The following TXNRD1 variants were observed in gnomAD, a reference collection of about 807,000 sequenced individuals.
TXNRD1 encodes the protein thioredoxin reductase 1, cytoplasmic.
TXNRD1 carries 57 observed loss-of-function variants against 80.3 expected under a neutral mutation model. The ratio of observed to expected loss-of-function variants is 0.71; its 90% CI spans 0.57 to 0.89. TXNRD1 has a LOEUF of 0.89. Among genes scored for constraint, TXNRD1 ranks in the 40% least tolerant of loss-of-function variants. The pLI, the probability that TXNRD1 is intolerant of heterozygous loss-of-function variation, is 0.00. For missense variants in TXNRD1, 730 were observed against 803.0 expected, an observed-to-expected ratio of 0.91 and a Z score of 1.10; for synonymous variants, 291 against 285.2, an observed-to-expected ratio of 1.02 and a Z score of -0.20.
At chr12:104,303,804 A>C in intron 4 of TXNRD1, 1 of 1,374,834 alleles carries the variant, frequency 7.3e-7, no homozygotes, top group Non-Finnish European at 9.6e-7. Flanking sequence ...GTTACCTCAG[A>C]GATACCCGTG....
At chr12:104,296,708 AC>A (rs1287156450) in intron 4 of TXNRD1, among the ~76,000 whole-genome samples, 5 of 152,236 alleles carry the variant, frequency 3.3e-5, no homozygotes, top group African/African-American at 1.2e-4. Flanking sequence ...GAAGAGACTC[AC>A]TTAAAGGATT....
rs1444925440 is a variant in TXNRD1 at position 104,302,442 on chromosome 12, T to A, written c.415-8848T>A. Among the ~76,000 whole-genome samples the A allele has an allele frequency of 3.3e-5, 5 of 151,356 alleles. No individual in the cohort carries two copies. The East Asian group carries it at 7.8e-4, about 23-fold the overall frequency. On this transcript the variant is annotated intron_variant, in intron 4 of 16. Transcript: ENST00000525566. ...TGAAAAGCTGTTGATGCTCATGGGT[T>A]GTTTGTGTGCATGTTCTCTTTAAAA...
intron 15 of TXNRD1, among the ~76,000 whole-genome samples, chr12:104,338,235 C>G (rs188277374): frequency 3.3e-5 from 5 of 151,938 alleles, no homozygotes; most frequent in African/African-American, 1.2e-4. Flanking sequence ...TGATTAAAGA[C>G]TTGTAGGCAT....
chr12:104,264,543 A>C (rs991911542), intron 3 of TXNRD1, among the ~76,000 whole-genome samples: 13 of 152,246 alleles, frequency 8.5e-5, no homozygotes, highest in Admixed American at 2.6e-4. Flanking sequence ...TGGAGACCAC[A>C]GTATAATAAA....
At position 104,251,612 on chromosome 12, in the gene TXNRD1, T is replaced by G. The variant is rs1470739815; in HGVS notation, c.177T>G (p.Leu59=). Residue 59 remains leucine, a synonymous_variant, in exon 2 of 17, where the codon CTT becomes CTG. Transcript: ENST00000525566. ...STATADSRAL[L]QAYIDGHSVV... ...CCACTGCAGACTCCAGAGCCCTGCT[T>G]CAGGCCTATATAGATGGTCACTCTG... 1.2e-6 allele frequency: 2 copies of G among 1,614,006 alleles called. No homozygotes were observed. The highest frequency in any genetic ancestry group is 3.3e-5 in the Admixed American group (2 of 60,012).
At chr12:104,304,188 A>C (rs2034778844) in intron 4 of TXNRD1, 10 of 1,614,054 alleles carry the variant, frequency 6.2e-6, no homozygotes, top group Non-Finnish European at 7.6e-6. Flanking sequence ...CGAACCAGAG[A>C]AGCAGCCCTC....
intron 3 of TXNRD1, among the ~76,000 whole-genome samples, chr12:104,267,853 CTCTT>C (rs1418231197): frequency 7.4e-6 from 1 of 135,116 alleles, no homozygotes; most frequent in Non-Finnish European, 1.6e-5. Context: ...CTTCCTCTCT[CTCTT>C]TTTTTTTTTG....
chr12:104,224,680 A>G (rs566230371), intron 1 of TXNRD1: 6,163 of 360,120 alleles, frequency 0.017, 200 homozygotes, highest in South Asian at 0.071. Context: ...CACCGCACCT[A>G]TAGCTGTCTT....
intron 1 of TXNRD1, 133 bp downstream of exon 1, chr12:104,216,026 C>G: frequency 1.3e-6 from 1 of 750,134 alleles, no homozygotes; most frequent in Non-Finnish European, 2.1e-6. Context: ...GACCGCGCGC[C>G]ACGCTGGAGA....
At chr12:104,339,967 C>T (rs2036268807) in intron 16 of TXNRD1, among the ~76,000 whole-genome samples, 1 of 152,228 alleles carries the variant, frequency 6.6e-6, no homozygotes, top group Non-Finnish European at 1.5e-5. Context: ...CACATATGCA[C>T]ATTGTTGCCA....
At chr12:104,289,381 T>C (rs934270604) in intron 4 of TXNRD1, 1 of 192,594 alleles carries the variant, frequency 5.2e-6, no homozygotes, top group East Asian at 1.2e-4. Flanking sequence ...GTTAGTTGTT[T>C]AGGGAAGTCC....
intron 4 of TXNRD1, among the ~76,000 whole-genome samples, chr12:104,308,041 G>A (rs1234557634): frequency 6.6e-6 from 1 of 151,558 alleles, no homozygotes; most frequent in Admixed American, 6.6e-5. Context: ...TGTAGCCCAG[G>A]CTGGAGTGCA....
Position 104,348,590 on chromosome 12 carries a change from A to G in TXNRD1, c.*169A>G, listed in dbSNP as rs890916147. On this transcript the variant is annotated 3_prime_UTR_variant, in exon 17 of 17. Transcript: ENST00000525566. ...CTCTTGGATAGGAGTTGGTGAATAG[A>G]AGGCAGGCAGCATCACACTGGGGTC... 1 of 610,592 alleles carries G rather than the reference A, an allele frequency of 1.6e-6. No individual in the cohort carries two copies. The highest frequency in any genetic ancestry group is 1.8e-5 in the African/African-American group (1 of 54,122). The allele number at this position is 610,592 out of a possible 1,614,324, so 37.8% of individuals were successfully genotyped here.
At chr12:104,319,181 G>T (rs995943954) in intron 8 of TXNRD1, 126 bp downstream of exon 8, 1 of 1,218,196 alleles carries the variant, frequency 8.2e-7, no homozygotes, top group African/African-American at 1.5e-5. Context: ...ATCCAGTTTG[G>T]TGATTTTGCT....
chr12:104,304,957 C>CT, intron 4 of TXNRD1: 2 of 1,540,824 alleles, frequency 1.3e-6, no homozygotes, highest in Non-Finnish European at 1.7e-6. Context: ...GTATAGCATC[C>CT]TTTTTGTGTT....
chr12:104,237,508 C>T (rs1482939374), intron 1 of TXNRD1, among the ~76,000 whole-genome samples: 1 of 152,202 alleles, frequency 6.6e-6, no homozygotes, highest in Non-Finnish European at 1.5e-5. Context: ...TTAGGGATCT[C>T]TCTTTGCCTT....
chr12:104,254,644 A>AAATATATAT lies in TXNRD1; in HGVS notation c.243+2967_243+2968insATATATATA. Among the ~76,000 whole-genome samples the AAATATATAT allele has an allele frequency of 2.3e-3, 214 of 93,616 alleles. 5 individuals are homozygous for AAATATATAT. The highest frequency in any genetic ancestry group is 0.01 in the African/African-American group (196 of 19,370). The allele number at this position is 93,616 out of a possible 152,430, so 61.4% of individuals were successfully genotyped here. On this transcript the variant is annotated intron_variant, in intron 2 of 16. Transcript: ENST00000525566. ...CTATGTCTATGGAAAAAAAAAAAAA[A>AAATATATAT]ATATATATATATATATATATATCAG...
chr12:104,237,880 G>A lies in TXNRD1; in HGVS notation c.92-13647G>A, dbSNP rs541399299. Among the ~76,000 whole-genome samples, 530 of 152,034 alleles carry A rather than the reference G, an allele frequency of 3.5e-3. 1 individual carries two copies. The highest frequency in any genetic ancestry group is 6.8e-3 in the Middle Eastern group (2 of 294). ...ACAAAAATTAGCTGGGTGTGGTGGC[G>A]CATACCTGTAGTCCCGGCTACTCGG... On this transcript the variant is annotated intron_variant, in intron 1 of 16. Transcript: ENST00000525566.
chr12:104,303,049 A>T (rs1204241840), intron 4 of TXNRD1, among the ~76,000 whole-genome samples: 2 of 152,234 alleles, frequency 1.3e-5, no homozygotes, highest in East Asian at 3.9e-4. Context: ...CAAGCTTCCA[A>T]GTAAATAGCT....
Sources: allele counts gnomAD v4.1 joint callset (sites outside exome capture counted in the v4.1 genomes callset), GRCh38; gene constraint gnomAD v4.1.1; transcripts MANE v1.5; gene names NCBI Gene and HGNC (gene_info 2026-07-23, HGNC 2026-07-21).